RBPMS: variants seen among roughly 807,000 people sequenced by gnomAD.
The protein encoded by RBPMS is RNA binding protein, mRNA processing factor, also known as RNA-binding protein with multiple splicing.
RBPMS carries 7 observed loss-of-function variants against 26.8 expected under a neutral mutation model. The observed-to-expected ratio is 0.26, with a 90% confidence interval of 0.15 to 0.49. The LOEUF is 0.49. Ranked by LOEUF, RBPMS falls within the 20% of genes least tolerant of loss-of-function variation. The probability of loss-of-function intolerance (pLI) is 0.98; values close to 1 mark genes in which losing one functional copy is unlikely to be tolerated. For missense variants in RBPMS, 186 were observed against 250.0 expected (o/e 0.74, Z 1.73); for synonymous variants, 96 against 93.3 (o/e 1.03, Z -0.17).
intron 5 of RBPMS, among the ~76,000 whole-genome samples, chr8:30,519,046 C>T (rs983653832): frequency 1.3e-5 from 2 of 152,100 alleles, no homozygotes; most frequent in Non-Finnish European, 2.9e-5. Context: ...TGCTAATGAA[C>T]GTTTCCCTGT....
At chr8:30,541,165 T>C (rs1481499917) in intron 5 of RBPMS, among the ~76,000 whole-genome samples, 1 of 152,218 alleles carries the variant, frequency 6.6e-6, no homozygotes, top group African/African-American at 2.4e-5. Flanking sequence ...GAGTCATTCA[T>C]GTTTATCTCT....
At chr8:30,530,673 G>A (rs1331916076) in intron 5 of RBPMS, among the ~76,000 whole-genome samples, 2 of 152,102 alleles carry the variant, frequency 1.3e-5, no homozygotes, top group African/African-American at 4.8e-5. Flanking sequence ...GGTTGGTCAG[G>A]TTGGTCTCGA....
chr8:30,450,221 T>G (rs1814402660), intron 1 of RBPMS, among the ~76,000 whole-genome samples: 1 of 152,244 alleles, frequency 6.6e-6, no homozygotes, highest in South Asian at 2.1e-4. Context: ...GGCATTTTAA[T>G]ATTCTTTTAA....
intron 1 of RBPMS, among the ~76,000 whole-genome samples, chr8:30,410,382 GTA>G (rs1554506903): frequency 6.6e-6 from 1 of 151,758 alleles, no homozygotes; most frequent in Non-Finnish European, 1.5e-5. Flanking sequence ...CTAATTTTTT[GTA>G]TTTTTAGTAG....
In RBPMS at chr8:30,521,991, G is replaced by A. The variant is rs572930170; in HGVS notation, c.397+17555G>A. Among the ~76,000 whole-genome samples, 9 of 152,254 alleles carry A rather than the reference G, an allele frequency of 5.9e-5. No individual in the cohort carries two copies. In the South Asian group the frequency reaches 1.9e-3, roughly 32 times the overall value. On this transcript the variant is annotated intron_variant, in intron 5 of 8. Coordinates refer to ENST00000397323, the MANE Select transcript of RBPMS (RefSeq NM_001008710.3). ...CTCAAGAGATCTATTGTACATTATG[G>A]TGACTGTAGTTAATAACAATGTATT...
chr8:30,409,499 G>A (rs1809037208), intron 1 of RBPMS, among the ~76,000 whole-genome samples: 1 of 151,632 alleles, frequency 6.6e-6, no homozygotes, highest in Non-Finnish European at 1.5e-5. Flanking sequence ...GGCCTAGAGT[G>A]TTTTCTTTAA....
chr8:30,568,121 C>A (rs1265691069), intron 8 of RBPMS, among the ~76,000 whole-genome samples: 1 of 152,122 alleles, frequency 6.6e-6, no homozygotes, highest in African/African-American at 2.4e-5. Context: ...AAATTAATAT[C>A]AGTACCTGAT....
chr8:30,479,983 T>C (rs367824113), intron 4 of RBPMS, among the ~76,000 whole-genome samples: 10 of 151,830 alleles, frequency 6.6e-5, no homozygotes, highest in African/African-American at 1.9e-4. Flanking sequence ...TTGAGACTTT[T>C]ACCAGTATTG....
intron 1 of RBPMS, among the ~76,000 whole-genome samples, chr8:30,445,895 A>T (rs556182896): frequency 7.9e-5 from 12 of 151,768 alleles, no homozygotes; most frequent in Non-Finnish European, 1.6e-4. Flanking sequence ...GAACTCCTGG[A>T]CTCAAGTGAT....
intron 7 of RBPMS, among the ~76,000 whole-genome samples, chr8:30,562,797 A>AT (rs79560908): frequency 0.33 from 50,665 of 151,982 alleles, 9,578 homozygotes; most frequent in South Asian, 0.55. Flanking sequence ...GAAAGAACAG[A>AT]AGACGAGCAG....
intron 1 of RBPMS, among the ~76,000 whole-genome samples, chr8:30,433,939 G>A (rs1338527006): frequency 6.6e-6 from 1 of 152,060 alleles, no homozygotes; most frequent in African/African-American, 2.4e-5. Context: ...AATTTCAGGT[G>A]GTCCTAAACC....
intron 6 of RBPMS, chr8:30,556,485 A>G (rs2151078236): frequency 1.0e-6 from 1 of 986,020 alleles, no homozygotes; most frequent in Non-Finnish European, 1.2e-6. Flanking sequence ...TCCACTGTGC[A>G]GCTCTCCTCC....
chr8:30,427,847 G>A (rs1318231456), intron 1 of RBPMS, among the ~76,000 whole-genome samples: 1 of 151,950 alleles, frequency 6.6e-6, no homozygotes, highest in East Asian at 1.9e-4. Flanking sequence ...TTGTTGGGGT[G>A]GGGGAGAATC....
chr8:30,426,890 G>A (rs1811422151), intron 1 of RBPMS, among the ~76,000 whole-genome samples: 1 of 151,980 alleles, frequency 6.6e-6, no homozygotes, highest in South Asian at 2.1e-4. Context: ...GGGTCTTTAA[G>A]GGCCACACAC....
At chr8:30,526,247 C>T (rs1463027448) in intron 5 of RBPMS, among the ~76,000 whole-genome samples, 1 of 152,230 alleles carries the variant, frequency 6.6e-6, no homozygotes, top group Non-Finnish European at 1.5e-5. Context: ...ATTCGCTTTG[C>T]CTTCAGGCTT....
At chr8:30,436,480 C>T (rs1304681872) in intron 1 of RBPMS, among the ~76,000 whole-genome samples, 1 of 152,178 alleles carries the variant, frequency 6.6e-6, no homozygotes, top group African/African-American at 2.4e-5. Context: ...TTTCATAGGT[C>T]ATAGTTTCCA....
At chr8:30,496,669 T>C (rs1463865953) in intron 4 of RBPMS, among the ~76,000 whole-genome samples, 1 of 152,248 alleles carries the variant, frequency 6.6e-6, no homozygotes, top group East Asian at 1.9e-4. Context: ...TGATCTTTAC[T>C]CATAGTTTTC....
chr8:30,385,390 TG>T (rs1249528681), intron 1 of RBPMS: 1 of 389,270 alleles, frequency 2.6e-6, no homozygotes, highest in African/African-American at 2.1e-5. Flanking sequence ...CGGAGACTTT[TG>T]TAAGTATAAT....
chr8:30,539,157 T>G (rs898113493), intron 5 of RBPMS, among the ~76,000 whole-genome samples: 1 of 152,242 alleles, frequency 6.6e-6, no homozygotes, highest in African/African-American at 2.4e-5. Flanking sequence ...AAAAATGGAA[T>G]TTTTCATCAT....
Sources: gnomAD v4.1 joint callset for allele counts (sites outside exome capture counted in the v4.1 genomes callset) on GRCh38, gnomAD v4.1.1 for gene constraint, MANE v1.5 for transcripts, NCBI Gene and HGNC (gene_info 2026-07-23, HGNC 2026-07-21) for gene names.